APC: variants seen among roughly 807,000 people sequenced by gnomAD.
The protein encoded by APC is APC regulator of Wnt signaling pathway, also known as adenomatous polyposis coli protein.
In APC, 72 loss-of-function variants were observed where a neutral mutation model predicts 247.0. That is an observed-to-expected ratio of 0.29 (90% CI 0.24 to 0.35). The LOEUF (loss-of-function observed/expected upper bound fraction) is 0.35, where lower values mean the gene tolerates loss of function less well. Ranked by LOEUF, APC falls within the 10% of genes least tolerant of loss-of-function variation. The pLI is 1.00. For synonymous variants in APC, 1,254 were observed against 1,162.5 expected (o/e 1.08, Z -1.60); for missense variants, 3,400 against 3,360.7 (o/e 1.01, Z -0.29).
At chr5:112,816,774 C>G (rs1181590586) in intron 9 of APC, among the ~76,000 whole-genome samples, 1 of 148,568 alleles carries the variant, frequency 6.7e-6, no homozygotes, top group Non-Finnish European at 1.5e-5. Flanking sequence ...GCCTGGGCAA[C>G]AAGAGCAAAA....
intron 1 of APC, among the ~76,000 whole-genome samples, chr5:112,713,531 A>G (rs1271147222): frequency 6.6e-6 from 1 of 152,220 alleles, no homozygotes; most frequent in African/African-American, 2.4e-5. Flanking sequence ...GGGTAAGCAA[A>G]TGGCTGATTA....
At chr5:112,828,132 T>G in intron 13 of APC, 126 bp downstream of exon 13, 1 of 794,772 alleles carries the variant, frequency 1.3e-6, no homozygotes, top group South Asian at 1.5e-5. Context: ...GCCTCCAGGG[T>G]TCAAGCAATC....
intron 1 of APC, among the ~76,000 whole-genome samples, chr5:112,741,498 T>C (rs1753011151): frequency 6.6e-6 from 1 of 152,218 alleles, no homozygotes. Context: ...TCCCCTTTAT[T>C]CTCACACCCT....
Position 112,830,818 on chromosome 5 carries a change from A to G in APC, c.1743+1846A>G, listed in dbSNP as rs532016868. 9.9e-5 allele frequency among the ~76,000 whole-genome samples: 15 copies of G among 152,242 alleles called. 1 individual carries two copies. The highest frequency in any genetic ancestry group is 9.8e-4 in the Admixed American group (15 of 15,286). ...AGGGGAGGATTATGAGAGGGTAGGA[A>G]ACTTTTGGGGATGATATAAATGTTT... On this transcript the variant is annotated intron_variant, in intron 14 of 15. Coordinates refer to ENST00000257430, the MANE Select transcript of APC (RefSeq NM_000038.6).
At chr5:112,801,193 C>A (rs867565340) in intron 7 of APC, 86 bp from the exon 8 acceptor site, 1 of 1,023,788 alleles carries the variant, frequency 9.8e-7, no homozygotes, top group Non-Finnish European at 1.5e-6. Context: ...GCATTCAGAG[C>A]TTTAAAGCAA....
In APC at chr5:112,842,224, A is replaced by G. The variant is rs746725965; in HGVS notation, c.6630A>G (p.Ser2210=). 1.2e-6 allele frequency: 2 copies of G among 1,613,754 alleles called. No individual in the cohort carries two copies. Among genetic ancestry groups the G allele is most frequent in the African/African-American group, 2.7e-5 (2 of 74,926 alleles). The change falls in exon 16 of 16, where the codon TCA becomes TCG. Residue 2210 remains serine (S), a synonymous_variant. Transcript: ENST00000257430. ...AAGTTCGATCTAATTCAGAAATTTC[A>G]GGCCAAATGAAACAGCCCCTTCAAG... ...TGKVRSNSEI[S]GQMKQPLQAN...
chr5:112,827,508 T>G (rs1763824327), intron 12 of APC, among the ~76,000 whole-genome samples: 1 of 151,402 alleles, frequency 6.6e-6, no homozygotes, highest in African/African-American at 2.4e-5. Context: ...AATATACTTG[T>G]AGGGATCATT....
rs1554086263 is a variant in APC at position 112,840,473 on chromosome 5, C to A, written c.4879C>A (p.Gln1627Lys). ...LLPSQNRLQP[Q>K]KHVSFTPGDD... ...ACCATCACAAAACAGGTTGCAACCC[C>A]AAAAGCATGTTAGTTTTACACCGGG... The change falls in exon 16 of 16, where the codon CAA becomes AAA. Residue 1627 changes from glutamine (Q) to lysine (K), a missense_variant. Gln to Lys is a moderately conservative substitution (Grantham distance 53). Around this residue, in one of 9 missense-constraint regions of APC, gnomAD observed 1,788 missense variants for 1,649.5 expected, o/e 1.08. Transcript: ENST00000257430. This position sits in a 1 kb window ranked among gnomAD's most constrained non-coding sequence, Gnocchi z 4.1. The A allele has an allele frequency of 6.2e-6, 10 of 1,614,126 alleles. No homozygotes were observed. Among genetic ancestry groups the A allele is most frequent in the Non-Finnish European group, 7.6e-6 (9 of 1,180,006 alleles).
chr5:112,725,195 A>G (rs1751704411), intron 1 of APC, among the ~76,000 whole-genome samples: 1 of 152,046 alleles, frequency 6.6e-6, no homozygotes, highest in Non-Finnish European at 1.5e-5. Flanking sequence ...CTGTTCTCAA[A>G]CTACTGACCT....
chr5:112,728,642 T>G (rs74582704), intron 1 of APC, among the ~76,000 whole-genome samples: 1 of 34,362 alleles, frequency 2.9e-5, no homozygotes, highest in African/African-American at 8.4e-5. Flanking sequence ...GTGATTGTGT[T>G]TTTTTTTTGT....
At chr5:112,814,128 C>T (rs1051766411) in intron 8 of APC, among the ~76,000 whole-genome samples, 5 of 152,202 alleles carry the variant, frequency 3.3e-5, no homozygotes, top group Non-Finnish European at 5.9e-5. Flanking sequence ...AAATAACTTA[C>T]ATTTTAGCTT....
intron 6 of APC, among the ~76,000 whole-genome samples, chr5:112,781,368 C>T (rs1758331381): frequency 6.6e-6 from 1 of 152,170 alleles, no homozygotes; most frequent in Non-Finnish European, 1.5e-5. Context: ...CATATTTCTA[C>T]CCTCAATGTC....
chr5:112,788,956 A>G (rs1243212774), intron 6 of APC, among the ~76,000 whole-genome samples: 2 of 152,168 alleles, frequency 1.3e-5, no homozygotes, highest in Admixed American at 1.3e-4. Flanking sequence ...TTGAATGGAA[A>G]CAATGATAGT....
chr5:112,738,221 A>AATG, intron 1 of APC: 13 of 955,420 alleles, frequency 1.4e-5, no homozygotes, highest in Non-Finnish European at 1.6e-5. Flanking sequence ...TTGTTTTTAT[A>AATG]ATGCCATTTG....
At chr5:112,804,565 A>G (rs1365269581) in intron 8 of APC, among the ~76,000 whole-genome samples, 1 of 152,126 alleles carries the variant, frequency 6.6e-6, no homozygotes, top group Admixed American at 6.5e-5. Context: ...TTTTTAGTAG[A>G]TACAGGGTCT....
Position 112,798,374 on chromosome 5 carries a change from A to G in APC, c.730-2905A>G, listed in dbSNP as rs1452727998. 3.9e-5 allele frequency among the ~76,000 whole-genome samples: 6 copies of G among 152,252 alleles called. 1 individual carries two copies. Among genetic ancestry groups the G allele is most frequent in the African/African-American group, 1.4e-4 (6 of 41,482 alleles). On this transcript the variant is annotated intron_variant, in intron 7 of 15. Transcript: ENST00000257430. ...AGAAAAGGCAAAATTTCTAAAGACA[A>G]AAAGTACATTAGTGGTTGTCTGACT...
chr5:112,762,519 A>G (rs1452954293), intron 2 of APC, among the ~76,000 whole-genome samples: 6 of 152,220 alleles, frequency 3.9e-5, no homozygotes, highest in Admixed American at 3.3e-4. Context: ...ACATTTAAAA[A>G]CAATGAACTG....
chr5:112,755,811 A>G (rs1754909162), intron 2 of APC, among the ~76,000 whole-genome samples: 1 of 152,176 alleles, frequency 6.6e-6, no homozygotes, highest in Non-Finnish European at 1.5e-5. Flanking sequence ...GGACATTATC[A>G]ACAAAAATAT....
intron 1 of APC, among the ~76,000 whole-genome samples, chr5:112,729,305 T>C (rs1345868720): frequency 1.3e-5 from 2 of 152,198 alleles, no homozygotes; most frequent in Admixed American, 1.3e-4. Context: ...AATACATAGA[T>C]AGAGCTTTTC....
Sources: allele counts gnomAD v4.1 joint callset (sites outside exome capture counted in the v4.1 genomes callset), GRCh38; gene constraint gnomAD v4.1.1; regional missense constraint gnomAD v4.1.1; non-coding constraint Gnocchi (gnomAD v3.1); transcripts MANE v1.5; gene names NCBI Gene and HGNC (gene_info 2026-07-23, HGNC 2026-07-21).